The following PPARA variants were observed in gnomAD, a reference collection of about 807,000 sequenced individuals.
PPARA encodes the protein peroxisome proliferator-activated receptor alpha.
A neutral mutation model predicts 42.2 loss-of-function variants in PPARA; 22 were observed. The ratio of observed to expected loss-of-function variants is 0.52; its 90% CI spans 0.37 to 0.74. PPARA has a LOEUF of 0.74. PPARA is among the 30% of genes least tolerant of loss of function. The pLI, the probability that PPARA is intolerant of heterozygous loss-of-function variation, is 0.00. For missense variants in PPARA, 465 were observed against 608.2 expected (o/e 0.76, Z 2.48); for synonymous variants, 242 against 239.3 (o/e 1.01, Z -0.10).
chr22:46,190,449 CT>C lies in PPARA; in HGVS notation c.-42-7889del, dbSNP rs1210819457. On this transcript the variant is annotated intron_variant, in intron 3 of 8. Transcript: ENST00000407236. This position sits in a 1 kb window ranked among gnomAD's most constrained non-coding sequence, Gnocchi z 5.6. ...ACGTTCGTAATTATTGTTCTGGAGG[CT>C]TTTGTATCACATATAAGTTCCAGGC... Among the ~76,000 whole-genome samples, 1 of 152,128 alleles carries C rather than the reference CT, an allele frequency of 6.6e-6. No homozygotes were observed. Among genetic ancestry groups the C allele is most frequent in the Non-Finnish European group, 1.5e-5 (1 of 68,016 alleles).
chr22:46,184,570 G>C lies in PPARA; in HGVS notation c.-43+7734G>C, dbSNP rs536582640. 8.5e-5 allele frequency among the ~76,000 whole-genome samples: 13 copies of C among 152,276 alleles called. No individual in the cohort carries two copies. Among genetic ancestry groups the C allele is most frequent in the African/African-American group, 2.9e-4 (12 of 41,560 alleles). On this transcript the variant is annotated intron_variant, in intron 3 of 8. Coordinates refer to ENST00000407236, the MANE Select transcript of PPARA (RefSeq NM_005036.6). The surrounding 1 kb of genome is among the most constrained non-coding windows in gnomAD (Gnocchi z 4.4). ...CATGTTGCTGTTGGAAAATCCAAAA[G>C]TATTCTATTTGGCCAGGCACAGTGG...
chr22:46,176,827 T>C lies in PPARA; in HGVS notation c.-52T>C, dbSNP rs960282871. On this transcript the variant is annotated 5_prime_UTR_variant, in exon 3 of 9. Transcript: ENST00000407236. ...ATGTGAGGACGTGCTTCCTGCTTCA[T>C]AGATAAGAGGTACATACACGTTTAG... The C allele has an allele frequency of 3.9e-5, 6 of 152,286 alleles. No homozygotes were observed. The highest frequency in any genetic ancestry group is 1.4e-4 in the African/African-American group (6 of 41,468). 9.4% of individuals were successfully genotyped at this position (152,286 alleles called of 1,614,324 possible).
intron 4 of PPARA, among the ~76,000 whole-genome samples, chr22:46,205,060 C>T (rs547735286): frequency 1.7e-4 from 25 of 151,078 alleles, no homozygotes; most frequent in African/African-American, 5.8e-4. Flanking sequence ...TACAGAGACT[C>T]GTTATGTTGC....
rs971499883 is a variant in PPARA at position 46,156,941 on chromosome 22, G to T, written c.-127+4971G>T. On this transcript the variant is annotated intron_variant, in intron 2 of 8. Transcript: ENST00000407236. This position sits in a 1 kb window ranked among gnomAD's most constrained non-coding sequence, Gnocchi z 5.2. ...AAGGTGATTGTGACCTCAGGTTTTG[G>T]CAGGGCTATACCTTGTGTTTGCTCT... Among the ~76,000 whole-genome samples, 3 of 152,118 alleles carry T rather than the reference G, an allele frequency of 2.0e-5. No homozygotes were observed. The highest frequency in any genetic ancestry group is 2.0e-4 in the Admixed American group (3 of 15,260).
intron 2 of PPARA, among the ~76,000 whole-genome samples, chr22:46,166,948 C>T (rs1810722912): frequency 6.6e-6 from 1 of 152,112 alleles, no homozygotes. Context: ...AAGAACAACA[C>T]AGTTGAAGGA....
intron 2 of PPARA, among the ~76,000 whole-genome samples, chr22:46,175,374 T>A (rs566928425): frequency 1.3e-5 from 2 of 152,292 alleles, no homozygotes; most frequent in African/African-American, 4.8e-5. Context: ...CATCCCTTTT[T>A]TAATTTTGCC....
chr22:46,218,468 A>AGCTATGGATGGAT, intron 6 of PPARA, 67 bp downstream of exon 6: 1 of 1,598,306 alleles, frequency 6.3e-7, no homozygotes, highest in Admixed American at 1.7e-5. Flanking sequence ...CTCCAAGGGA[A>AGCTATGGATGGAT]CAGATCAAGC....
In PPARA at chr22:46,234,896, T is replaced by C. The variant is rs4253779; in HGVS notation, c.1160-237T>C. ...ACCATAAGGTGTACTTAGGGCACTA[T>C]TGCCGCCTAGTAGTATGAATATTTA... On this transcript the variant is annotated intron_variant, in intron 8 of 8. Coordinates refer to ENST00000407236, the MANE Select transcript of PPARA (RefSeq NM_005036.6). This position sits in a 1 kb window ranked among gnomAD's most constrained non-coding sequence, Gnocchi z 5.8. Among the ~76,000 whole-genome samples, 2,425 of 152,316 alleles carry C rather than the reference T, an allele frequency of 0.016. 70 individuals are homozygous for C. The highest frequency in any genetic ancestry group is 0.055 in the African/African-American group (2,299 of 41,570).
At chr22:46,199,267 G>A (rs1932736520) in intron 4 of PPARA, among the ~76,000 whole-genome samples, 1 of 152,184 alleles carries the variant, frequency 6.6e-6, no homozygotes, top group Non-Finnish European at 1.5e-5. Context: ...GAAACAAGCT[G>A]TACATGCGTC....
intron 2 of PPARA, among the ~76,000 whole-genome samples, chr22:46,169,512 G>A (rs1927654709): frequency 6.6e-6 from 1 of 151,844 alleles, no homozygotes; most frequent in Non-Finnish European, 1.5e-5. Context: ...GGGATTACAG[G>A]CATGAGCCAT....
chr22:46,218,359 T>C lies in PPARA; in HGVS notation c.466T>C (p.Cys156Arg). ...AAAGAACAGAAACAAATGCCAGTAT[T>C]GTCGATTTCACAAGTGCCTTTCTGT... is the stretch of plus-strand genomic sequence containing the variant. Reference protein sequence around the residue: ...QKKNRNKCQYCRFHKCLSVGM... With the variant: ...QKKNRNKCQYRRFHKCLSVGM... Residue 156 changes from cysteine (C) to arginine (R), a missense_variant, in exon 6 of 9, where the codon TGT (cysteine) becomes CGT (arginine). By Grantham distance (180) the Cys-to-Arg change is radical. Transcript: ENST00000407236. 6.2e-7 allele frequency: 1 copy of C among 1,614,086 alleles called. No homozygotes were observed. Among genetic ancestry groups the C allele is most frequent in the Non-Finnish European group, 8.5e-7 (1 of 1,180,012 alleles).
rs1390275334 is a variant in PPARA at position 46,240,245 on chromosome 22, G to T, written c.*4865G>T. The stretch of plus-strand genomic sequence containing the variant: ...GTTCCTGTGGTCTCCTCAGCTGTTT[G>T]AGGGGGTAACAGCAAATCAGCCTCC... On this transcript the variant is annotated 3_prime_UTR_variant, in exon 9 of 9. Transcript: ENST00000407236. This position sits in a 1 kb window ranked among gnomAD's most constrained non-coding sequence, Gnocchi z 6.0. 6 of 398,592 alleles carry T rather than the reference G, an allele frequency of 1.5e-5. No homozygotes were observed. Among genetic ancestry groups the T allele is most frequent in the Non-Finnish European group, 2.2e-5 (5 of 226,124 alleles). 24.7% of individuals were successfully genotyped at this position (398,592 alleles called of 1,614,324 possible).
At chr22:46,166,552 A>G (rs1013575537) in intron 2 of PPARA, among the ~76,000 whole-genome samples, 3 of 151,324 alleles carry the variant, frequency 2.0e-5, no homozygotes, top group Admixed American at 6.6e-5. Context: ...CAGGAGGCAG[A>G]GCTTGCAGTG....
chr22:46,199,405 A>G (rs1346693053), intron 4 of PPARA, among the ~76,000 whole-genome samples: 2 of 152,164 alleles, frequency 1.3e-5, no homozygotes, highest in South Asian at 2.1e-4. Flanking sequence ...GGCCGAGGCA[A>G]GTGGATCACT....
chr22:46,188,693 T>C lies in PPARA; in HGVS notation c.-42-9649T>C, dbSNP rs1283183721. 6.6e-6 allele frequency: 1 copy of C among 152,194 alleles called. No individual in the cohort carries two copies. Among genetic ancestry groups the C allele is most frequent in the East Asian group, 1.9e-4 (1 of 5,198 alleles). 9.4% of individuals were successfully genotyped at this position (152,194 alleles called of 1,614,324 possible). A position where few individuals can be genotyped will look rare whatever the true frequency, so the allele number is the denominator to read the frequency against. On this transcript the variant is annotated intron_variant, in intron 3 of 8. Coordinates refer to ENST00000407236, the MANE Select transcript of PPARA (RefSeq NM_005036.6). This position sits in a 1 kb window ranked among gnomAD's most constrained non-coding sequence, Gnocchi z 5.0. ...GCCCACGTGTGATGTTCAATAATATTATTTCTCCTTGTTTTCCTTCCCGTG... is the reference window on the plus strand; with the variant it reads ...GCCCACGTGTGATGTTCAATAATATCATTTCTCCTTGTTTTCCTTCCCGTG...
At chr22:46,223,266 G>C (rs966683547) in intron 7 of PPARA, among the ~76,000 whole-genome samples, 2 of 152,182 alleles carry the variant, frequency 1.3e-5, no homozygotes, top group Admixed American at 1.3e-4. Context: ...AGACCACCAA[G>C]CTCTAGGAAC....
chr22:46,189,936 A>G (rs1931317734), intron 3 of PPARA, among the ~76,000 whole-genome samples: 2 of 151,892 alleles, frequency 1.3e-5, no homozygotes, highest in African/African-American at 4.8e-5. Context: ...CAGCCTCTTG[A>G]CCTCGTGATC....
Position 46,195,196 on chromosome 22 carries a change from C to A in PPARA, c.-42-3146C>A, listed in dbSNP as rs1000129697. ...GGGATTACAGGTGTGAGCCACCATGCCCGGCCCCAGCTACTTGCTTTCTAT... is the reference window on the plus strand; with the variant it reads ...GGGATTACAGGTGTGAGCCACCATGACCGGCCCCAGCTACTTGCTTTCTAT... On this transcript the variant is annotated intron_variant, in intron 3 of 8. Transcript: ENST00000407236. This position sits in a 1 kb window ranked among gnomAD's most constrained non-coding sequence, Gnocchi z 4.6. Among the ~76,000 whole-genome samples the A allele has an allele frequency of 2.6e-5, 4 of 152,190 alleles. No individual in the cohort carries two copies. The highest frequency in any genetic ancestry group is 4.4e-5 in the Non-Finnish European group (3 of 68,042).
Position 46,150,554 on chromosome 22 carries a change from A to G in PPARA, c.-308A>G, listed in dbSNP as rs1343739762. ...GACGCGGCGGCCCCGCGGCGGGGGC[A>G]GCGGGCGGCGGGGGCGGAGGCGGCC... is the stretch of plus-strand genomic sequence containing the variant. On this transcript the variant is annotated 5_prime_UTR_variant, in exon 1 of 9. Transcript: ENST00000407236. The surrounding 1 kb of genome is among the most constrained non-coding windows in gnomAD (Gnocchi z 7.5). 7.3e-6 allele frequency: 1 copy of G among 136,174 alleles called. No homozygotes were observed. The highest frequency in any genetic ancestry group is 1.6e-5 in the Non-Finnish European group (1 of 62,790). 8.4% of individuals were successfully genotyped at this position (136,174 alleles called of 1,614,324 possible). A position where few individuals can be genotyped will look rare whatever the true frequency, so the allele number is the denominator to read the frequency against.
Sources: allele counts gnomAD v4.1 joint callset (sites outside exome capture counted in the v4.1 genomes callset), GRCh38; gene constraint gnomAD v4.1.1; non-coding constraint Gnocchi (gnomAD v3.1); transcripts MANE v1.5; gene names NCBI Gene and HGNC (gene_info 2026-07-23, HGNC 2026-07-21).